The following NRXN3 variants were observed in gnomAD, a reference collection of about 807,000 sequenced individuals.
NRXN3 encodes neurexin III.
NRXN3 carries 32 observed loss-of-function variants against 137.6 expected under a neutral mutation model. The ratio of observed to expected loss-of-function variants is 0.23; its 90% CI spans 0.18 to 0.31. NRXN3 has a LOEUF of 0.31. Among genes scored for constraint, NRXN3 ranks in the 10% least tolerant of loss-of-function variants. The pLI is 1.00. For synonymous variants in NRXN3, 798 were observed against 784.5 expected (o/e 1.02, Z -0.29); for missense variants, 1,574 against 2,062.5 (o/e 0.76, Z 4.59).
chr14:79,176,384 C>T (rs987825007), intron 15 of NRXN3, among the ~76,000 whole-genome samples: 2 of 152,070 alleles, frequency 1.3e-5, no homozygotes, highest in Non-Finnish European at 1.5e-5. Flanking sequence ...TTTTAATGAG[C>T]GGCACACTCT....
At chr14:78,665,619 C>T (rs1194546053) in intron 6 of NRXN3, among the ~76,000 whole-genome samples, 1 of 152,078 alleles carries the variant, frequency 6.6e-6, no homozygotes, top group Non-Finnish European at 1.5e-5. Context: ...CAGGGCAGGA[C>T]TCTTTGAGGA....
intron 16 of NRXN3, among the ~76,000 whole-genome samples, chr14:79,552,796 T>G (rs552579726): frequency 1.7e-3 from 263 of 152,212 alleles, no homozygotes; most frequent in African/African-American, 6.1e-3. Context: ...AAAGGTTGTT[T>G]TATTATACAG....
chr14:78,456,664 C>T (rs1203506219), intron 4 of NRXN3, among the ~76,000 whole-genome samples: 1 of 151,992 alleles, frequency 6.6e-6, no homozygotes, highest in African/African-American at 2.4e-5. Context: ...ATCTCATCAC[C>T]TTCTTATTCT....
Position 78,988,640 on chromosome 14 carries a change from T to C in NRXN3, c.3262+499T>C, listed in dbSNP as rs1265230077. ...ATGACAAAGACATTCAAGAGTTTAT[T>C]TTTTACAATTAGCAAAGCTTAAAGC... On this transcript the variant is annotated intron_variant, in intron 15 of 20. Coordinates refer to ENST00000335750, the MANE Select transcript of NRXN3 (RefSeq NM_001330195.2). 5.3e-5 allele frequency among the ~76,000 whole-genome samples: 8 copies of C among 152,312 alleles called. No homozygotes were observed. In the South Asian group the frequency reaches 1.2e-3, roughly 24 times the overall value.
At chr14:78,316,287 C>A (rs889922421) in intron 4 of NRXN3, among the ~76,000 whole-genome samples, 1 of 151,000 alleles carries the variant, frequency 6.6e-6, no homozygotes, top group East Asian at 2.0e-4. Flanking sequence ...GAGTTGGGGG[C>A]GGGGGTGGCA....
At chr14:79,491,581 G>T (rs1023110738) in intron 16 of NRXN3, among the ~76,000 whole-genome samples, 1 of 150,178 alleles carries the variant, frequency 6.7e-6, no homozygotes, top group African/African-American at 2.5e-5. Context: ...ACCCTGTAAA[G>T]AAATGACATT....
intron 15 of NRXN3, among the ~76,000 whole-genome samples, chr14:79,161,346 A>G (rs1185206947): frequency 2.6e-5 from 4 of 152,054 alleles, no homozygotes; most frequent in East Asian, 2.0e-4. Flanking sequence ...ATCCCAGACT[A>G]TAGAAACTTC....
At chr14:79,388,066 A>G (rs2094699682) in intron 15 of NRXN3, among the ~76,000 whole-genome samples, 1 of 151,834 alleles carries the variant, frequency 6.6e-6, no homozygotes, top group Non-Finnish European at 1.5e-5. Context: ...ACAAACCTGC[A>G]CGTTGTGCAC....
intron 19 of NRXN3, among the ~76,000 whole-genome samples, chr14:79,790,742 A>AC (rs1444339711): frequency 1.4e-5 from 2 of 146,358 alleles, no homozygotes; most frequent in African/African-American, 5.1e-5. Context: ...TGCCTCAGCC[A>AC]CCCGAGTATC....
intron 15 of NRXN3, among the ~76,000 whole-genome samples, chr14:79,351,117 A>G (rs912737764): frequency 6.6e-6 from 1 of 152,188 alleles, no homozygotes; most frequent in African/African-American, 2.4e-5. Context: ...TGCAGCCTCC[A>G]AAGTATCAGA....
At chr14:79,169,763 AT>A (rs1182865401) in intron 15 of NRXN3, among the ~76,000 whole-genome samples, 2 of 152,068 alleles carry the variant, frequency 1.3e-5, no homozygotes, top group Non-Finnish European at 2.9e-5. Context: ...TAACAATTAT[AT>A]TTTCCATGGA....
chr14:79,378,535 G>C (rs768831045), intron 15 of NRXN3, among the ~76,000 whole-genome samples: 1 of 152,146 alleles, frequency 6.6e-6, no homozygotes, highest in Non-Finnish European at 1.5e-5. Flanking sequence ...TAGAAGAGTC[G>C]GAAGTACAGA....
intron 4 of NRXN3, among the ~76,000 whole-genome samples, chr14:78,342,066 G>T (rs992128770): frequency 1.3e-5 from 2 of 152,172 alleles, no homozygotes; most frequent in African/African-American, 4.8e-5. Context: ...TTTATCAACT[G>T]TCCAGGTTTG....
At chr14:78,724,484 C>T (rs558536269) in intron 8 of NRXN3, among the ~76,000 whole-genome samples, 4 of 152,238 alleles carry the variant, frequency 2.6e-5, no homozygotes, top group African/African-American at 4.8e-5. Context: ...GCAAAACCAC[C>T]CACCCCCAAT....
At chr14:79,134,831 C>T (rs541062110) in intron 15 of NRXN3, among the ~76,000 whole-genome samples, 3 of 152,298 alleles carry the variant, frequency 2.0e-5, no homozygotes, top group South Asian at 4.1e-4. Context: ...TTCTGTCTTT[C>T]CCAGACTGAT....
chr14:79,314,108 G>C (rs1014492738), intron 15 of NRXN3: 5 of 154,076 alleles, frequency 3.2e-5, no homozygotes, highest in African/African-American at 4.8e-5. Context: ...CTCCCAGCGT[G>C]AGCGACGCAG....
chr14:78,693,828 T>C (rs1346076332), intron 6 of NRXN3, among the ~76,000 whole-genome samples: 1 of 151,758 alleles, frequency 6.6e-6, no homozygotes, highest in Non-Finnish European at 1.5e-5. Context: ...GCCTTTAGGA[T>C]CAAGTTAAAA....
intron 15 of NRXN3, among the ~76,000 whole-genome samples, chr14:79,255,991 A>C (rs1046620199): frequency 1.6e-4 from 25 of 152,200 alleles, no homozygotes; most frequent in Admixed American, 1.2e-3. Context: ...TCCTATATCC[A>C]ACTCTTGGAA....
At chr14:79,134,021 G>C (rs113961730) in intron 15 of NRXN3, among the ~76,000 whole-genome samples, 1,823 of 151,910 alleles carry the variant, frequency 0.012, 29 homozygotes, top group African/African-American at 0.042. Flanking sequence ...AACCAGTGGT[G>C]TCCTCATTCC....
Sources: gnomAD v4.1 joint callset for allele counts (sites outside exome capture counted in the v4.1 genomes callset) on GRCh38, gnomAD v4.1.1 for gene constraint, MANE v1.5 for transcripts, NCBI Gene and HGNC (gene_info 2026-07-23, HGNC 2026-07-21) for gene names.